CDK11A: variants seen among roughly 807,000 people sequenced by gnomAD.
CDK11A encodes the protein cyclin-dependent kinase 11A.
CDK11A carries 55 observed loss-of-function variants against 83.6 expected under a neutral mutation model. The ratio of observed to expected loss-of-function variants is 0.66; its 90% CI spans 0.53 to 0.82. The LOEUF is 0.82. Ranked by LOEUF, CDK11A falls within the 40% of genes least tolerant of loss-of-function variation. The pLI is 0.00. For missense variants in CDK11A, 564 were observed against 810.1 expected (o/e 0.70, Z 3.69); for synonymous variants, 247 against 302.7 (o/e 0.82, Z 1.91).
chr1:1,704,715 C>A, intron 13 of CDK11A, 60 bp from the exon 14 acceptor site: 1 of 1,598,740 alleles, frequency 6.3e-7, no homozygotes, highest in Non-Finnish European at 8.5e-7. Flanking sequence ...CCCCTGCACC[C>A]GGGCGCAGAT....
chr1:1,714,881 G>A (rs1362193398), intron 5 of CDK11A, among the ~76,000 whole-genome samples: 3 of 148,496 alleles, frequency 2.0e-5, no homozygotes, highest in African/African-American at 7.4e-5. Context: ...CGTCTTTGGC[G>A]GGATCACAGC....
chr1:1,704,524 G>A (rs964763146), intron 14 of CDK11A, 26 bp downstream of exon 14: 2 of 1,600,558 alleles, frequency 1.2e-6, no homozygotes, highest in Admixed American at 1.7e-5. Context: ...CTTGTACGCA[G>A]ACAGGACCCC....
At chr1:1,721,327 ACCTCAATAGTTAAAACAGCACACC>A (rs1238394160) in intron 3 of CDK11A, among the ~76,000 whole-genome samples, 1 of 150,534 alleles carries the variant, frequency 6.6e-6, no homozygotes, top group Non-Finnish European at 1.5e-5. Flanking sequence ...GGAAGAGTAA[ACCTCAATAGTTAAAACAGCACACC>A]CCGTCACAGT....
chr1:1,722,850 T>C lies in CDK11A; in HGVS notation c.-13-19A>G. On this transcript the variant is annotated intron_variant, in intron 1 of 19. Transcript: ENST00000404249. Reference sequence around the variant, plus strand: ...TAAAACACTGCAAAAAGAAAAATAATTCAGCCTACATCAGGACACAGCAAG... The same window carrying C: ...TAAAACACTGCAAAAAGAAAAATAACTCAGCCTACATCAGGACACAGCAAG... 1 of 1,096,044 alleles carries C rather than the reference T, an allele frequency of 9.1e-7. No homozygotes were observed. The allele number at this position is 1,096,044 out of a possible 1,614,324, so 67.9% of individuals were successfully genotyped here.
chr1:1,722,035 C>T (rs1644924600), intron 2 of CDK11A, among the ~76,000 whole-genome samples: 2 of 150,692 alleles, frequency 1.3e-5, no homozygotes, highest in African/African-American at 4.9e-5. Context: ...CCTGTAGTCC[C>T]AGCTACTCAG....
chr1:1,716,653 A>AT lies in CDK11A; in HGVS notation c.356-176_356-175insA, dbSNP rs1289166062. 8.7e-5 allele frequency among the ~76,000 whole-genome samples: 13 copies of AT among 150,228 alleles called. 3 individuals are homozygous for AT. Among genetic ancestry groups the AT allele is most frequent in the Admixed American group, 2.7e-4 (4 of 14,962 alleles). On this transcript the variant is annotated intron_variant, in intron 4 of 19. Transcript: ENST00000404249. ...ACATGGTGAAACCCCGTCTCTACTAAAAATACAAAAATTAGCTGGGCGTGG... is the reference window on the plus strand; with the variant it reads ...ACATGGTGAAACCCCGTCTCTACTAATAAATACAAAAATTAGCTGGGCGTGG...
rs367807408 is a variant in CDK11A, at chr1:1,704,233, C to T, written c.1676G>A (p.Gly559Asp). 29 of 1,608,372 alleles carry T rather than the reference C, an allele frequency of 1.8e-5. 1 individual carries two copies. The African/African-American group carries it at 3.4e-4, about 19-fold the overall frequency. ...KTSNLLLSHA[G>D]ILKVGDFGLA... The stretch of plus-strand genomic sequence containing the variant: ...CGGAGGGGGGCTCACCTTGAGGATG[C>T]CGGCGTGGCTCAGCAGCAGGTTGGA... The change falls in exon 15 of 20, where the codon GGC becomes GAC. Residue 559 changes from glycine to aspartate, a missense_variant. Physicochemically the swap from Gly to Asp is moderately conservative, Grantham distance 94. Around this residue, in one of 5 missense-constraint regions of CDK11A, gnomAD observed 361 missense variants for 402.7 expected, o/e 0.90. Transcript: ENST00000404249.
chr1:1,716,573 G>C lies in CDK11A; in HGVS notation c.356-95C>G, dbSNP rs1570416272. 3 of 1,349,104 alleles carry C rather than the reference G, an allele frequency of 2.2e-6. No individual in the cohort carries two copies. The African/African-American group carries it at 4.3e-5, about 19-fold the overall frequency. The allele number at this position is 1,349,104 out of a possible 1,614,324, so 83.6% of individuals were successfully genotyped here. Reference sequence around the variant, plus strand: ...TTACGCCTGTAATCCCAGCACTTTGGGAGGCCGAGGCGGGTGGATCACCTG... The same window carrying C: ...TTACGCCTGTAATCCCAGCACTTTGCGAGGCCGAGGCGGGTGGATCACCTG... On this transcript the variant is annotated intron_variant, in intron 4 of 19. Coordinates refer to ENST00000404249, the MANE Select transcript of CDK11A (RefSeq NM_024011.4).
Position 1,706,588 on chromosome 1 carries a change from G to A in CDK11A, c.1245+821C>T, listed in dbSNP as rs190114507. Among the ~76,000 whole-genome samples the A allele has an allele frequency of 4.0e-5, 6 of 151,378 alleles. 3 individuals are homozygous for A. The highest frequency in any genetic ancestry group is 8.9e-5 in the Non-Finnish European group (6 of 67,684). On this transcript the variant is annotated intron_variant, in intron 11 of 19. Coordinates refer to ENST00000404249, the MANE Select transcript of CDK11A (RefSeq NM_024011.4). ...TCCGGAGAGTCTCTCTGTCAAAGTGGATGTGTCCCCTGCTTGTACCAGGAT... is the reference window on the plus strand; with the variant it reads ...TCCGGAGAGTCTCTCTGTCAAAGTGAATGTGTCCCCTGCTTGTACCAGGAT...
rs1257854839 is a variant in CDK11A at position 1,702,586 on chromosome 1, C to T, written c.*321G>A. On this transcript the variant is annotated 3_prime_UTR_variant, in exon 20 of 20. Transcript: ENST00000404249. The stretch of plus-strand genomic sequence containing the variant: ...CTCCAGCTCCGAAGATTAAACAATC[C>T]ACCCGGCTCCCACCAGTTCCTTTCC... The T allele has an allele frequency of 1.2e-4, 28 of 229,734 alleles. No individual in the cohort carries two copies. The highest frequency in any genetic ancestry group is 5.7e-4 in the African/African-American group (24 of 42,418). The allele number at this position is 229,734 out of a possible 1,614,324, so 14.2% of individuals were successfully genotyped here.
chr1:1,711,975 A>T (rs1348601390), intron 6 of CDK11A, among the ~76,000 whole-genome samples: 114 of 106,032 alleles, frequency 1.1e-3, no homozygotes, highest in Non-Finnish European at 2.1e-3. Context: ...CTAAAAATAT[A>T]AAAAAATAGC....
intron 5 of CDK11A, among the ~76,000 whole-genome samples, chr1:1,713,545 G>A (rs1420902650): frequency 9.2e-6 from 1 of 109,286 alleles, no homozygotes; most frequent in African/African-American, 2.9e-5. Context: ...TTGCTCTAGG[G>A]ATCACCATAT....
At chr1:1,717,135 GAAGAAAA>G (rs1644693912) in intron 4 of CDK11A, among the ~76,000 whole-genome samples, 1 of 149,692 alleles carries the variant, frequency 6.7e-6, no homozygotes, top group East Asian at 1.9e-4. Context: ...TATGAAGAAA[GAAGAAAA>G]AAGAAAAACA....
At position 1,714,449 on chromosome 1, in the gene CDK11A, A is replaced by G. The variant is rs1164758465; in HGVS notation, c.488+1897T>C. ...CTTCCTCAGTACGGGTCACACTGTCATACTTCTTTGTATTTTAGATAATAC... is the reference window on the plus strand; with the variant it reads ...CTTCCTCAGTACGGGTCACACTGTCGTACTTCTTTGTATTTTAGATAATAC... On this transcript the variant is annotated intron_variant, in intron 5 of 19. Coordinates refer to ENST00000404249, the MANE Select transcript of CDK11A (RefSeq NM_024011.4). Among the ~76,000 whole-genome samples the G allele has an allele frequency of 4.0e-5, 2 of 50,348 alleles. 1 individual carries two copies. The highest frequency in any genetic ancestry group is 9.7e-4 in the East Asian group (2 of 2,058). 33.0% of individuals were successfully genotyped at this position (50,348 alleles called of 152,430 possible). A position where few individuals can be genotyped will look rare whatever the true frequency, so the allele number is the denominator to read the frequency against.
At chr1:1,717,601 G>T (rs1299106381) in intron 4 of CDK11A, among the ~76,000 whole-genome samples, 1 of 149,268 alleles carries the variant, frequency 6.7e-6, no homozygotes, top group East Asian at 1.9e-4. Flanking sequence ...TGTGACACAC[G>T]CACGCTTTCA....
Position 1,703,800 on chromosome 1 carries a change from C to T in CDK11A, c.1911+24G>A, listed in dbSNP as rs1644184244. On this transcript the variant is annotated intron_variant, in intron 17 of 19. Coordinates refer to ENST00000404249, the MANE Select transcript of CDK11A (RefSeq NM_024011.4). The stretch of plus-strand genomic sequence containing the variant: ...TGCAACTCCTCTGAAATCCATAGCG[C>T]ACCTGCGGCAGGGCCAGACCCACCT... 5 of 1,608,436 alleles carry T rather than the reference C, an allele frequency of 3.1e-6. 1 individual carries two copies. Among genetic ancestry groups the T allele is most frequent in the Non-Finnish European group, 4.3e-6 (5 of 1,176,198 alleles).
At chr1:1,715,116 G>T (rs1233202572) in intron 5 of CDK11A, among the ~76,000 whole-genome samples, 1 of 131,174 alleles carries the variant, frequency 7.6e-6, no homozygotes, top group Non-Finnish European at 1.7e-5. Context: ...AGGCCAGAAG[G>T]TCAGATTCTT....
intron 4 of CDK11A, among the ~76,000 whole-genome samples, chr1:1,718,003 T>C (rs1644741915): frequency 6.8e-6 from 1 of 147,254 alleles, no homozygotes; most frequent in Non-Finnish European, 1.5e-5. Context: ...GTTTGCTCTG[T>C]CTGGTTTTCG....
At chr1:1,717,673 G>C (rs77365386) in intron 4 of CDK11A, among the ~76,000 whole-genome samples, 1 of 31,048 alleles carries the variant, frequency 3.2e-5, no homozygotes, top group African/African-American at 6.3e-5. Context: ...GCTAGAGTTT[G>C]CTCTCTCTGG....
Sources: allele counts gnomAD v4.1 joint callset (sites outside exome capture counted in the v4.1 genomes callset), GRCh38; gene constraint gnomAD v4.1.1; regional missense constraint gnomAD v4.1.1; transcripts MANE v1.5; gene names NCBI Gene and HGNC (gene_info 2026-07-23, HGNC 2026-07-21).